Variants in KAZN observed in about 807,000 individuals in gnomAD.
KAZN encodes kazrin.
KAZN carries 40 observed loss-of-function variants against 87.4 expected under a neutral mutation model. That is an observed-to-expected ratio of 0.46 (90% CI 0.36 to 0.60). KAZN has a LOEUF of 0.60. Among genes scored for constraint, KAZN ranks in the 20% least tolerant of loss-of-function variants. The probability of loss-of-function intolerance (pLI) is 0.00; values close to 1 mark genes in which losing one functional copy is unlikely to be tolerated. For missense variants in KAZN, 898 were observed against 1,073.9 expected (o/e 0.84, Z 2.29); for synonymous variants, 466 against 458.3 (o/e 1.02, Z -0.22).
At chr1:14,708,765 G>A (rs1642341929) in intron 1 of KAZN, among the ~76,000 whole-genome samples, 2 of 152,226 alleles carry the variant, frequency 1.3e-5, no homozygotes, top group African/African-American at 4.8e-5. Context: ...TCAGCTGGTA[G>A]CAGCCAGCAA....
intron 4 of KAZN, among the ~76,000 whole-genome samples, chr1:15,054,625 C>G (rs1477484797): frequency 6.7e-6 from 1 of 149,892 alleles, no homozygotes; most frequent in Non-Finnish European, 1.5e-5. Flanking sequence ...GCACTCCGGC[C>G]TGGGCAACAG....
intron 2 of KAZN, among the ~76,000 whole-genome samples, chr1:14,264,865 T>C (rs1336526924): frequency 6.6e-6 from 1 of 152,204 alleles, no homozygotes; most frequent in Non-Finnish European, 1.5e-5. Context: ...TGGGACAGTA[T>C]AGGTAGTCCA....
intron 2 of KAZN, among the ~76,000 whole-genome samples, chr1:14,191,065 C>G (rs1646410914): frequency 6.6e-6 from 1 of 152,082 alleles, no homozygotes; most frequent in Non-Finnish European, 1.5e-5. Flanking sequence ...GCATGTGCCC[C>G]CTGGTTTTAC....
chr1:14,622,356 G>C (rs1301795432), intron 1 of KAZN, among the ~76,000 whole-genome samples: 1 of 152,148 alleles, frequency 6.6e-6, no homozygotes, highest in Non-Finnish European at 1.5e-5. Context: ...ATAATATTAT[G>C]TTTAGTGAAA....
In KAZN at chr1:15,104,203, G is replaced by A; in HGVS notation, c.2048+14G>A. 1 of 1,561,612 alleles carries A rather than the reference G, an allele frequency of 6.4e-7. No homozygotes were observed. The highest frequency in any genetic ancestry group is 1.2e-5 in the South Asian group (1 of 84,324). On this transcript the variant is annotated intron_variant, in intron 13 of 14. Transcript: ENST00000376030. ...CCACCCAGCCAAGTGAGCACGGGCTGGGATCCAGTCATGTGGGCTGCTGGG... is the reference window on the plus strand; with the variant it reads ...CCACCCAGCCAAGTGAGCACGGGCTAGGATCCAGTCATGTGGGCTGCTGGG...
chr1:14,315,201 A>G (rs561127540), intron 2 of KAZN, among the ~76,000 whole-genome samples: 1 of 152,156 alleles, frequency 6.6e-6, no homozygotes, highest in Admixed American at 6.6e-5. Flanking sequence ...TGTCTCCAAA[A>G]CCACAGAAGA....
chr1:14,326,471 G>T (rs920169796), intron 2 of KAZN, among the ~76,000 whole-genome samples: 1 of 152,294 alleles, frequency 6.6e-6, no homozygotes, highest in East Asian at 1.9e-4. Flanking sequence ...CCCCATCCTT[G>T]CCGTTGACTC....
At chr1:14,932,331 G>T (rs969687704) in intron 1 of KAZN, among the ~76,000 whole-genome samples, 6 of 148,252 alleles carry the variant, frequency 4.0e-5, no homozygotes, top group Non-Finnish European at 7.5e-5. Flanking sequence ...CTGGGTGCTT[G>T]TCTGTGCTTC....
intron 2 of KAZN, among the ~76,000 whole-genome samples, chr1:14,352,298 A>G (rs1212360598): frequency 6.6e-6 from 1 of 152,122 alleles, no homozygotes. Flanking sequence ...CATTTGTAAG[A>G]GTAAATATTA....
intron 2 of KAZN, among the ~76,000 whole-genome samples, chr1:14,528,234 A>G (rs982334049): frequency 6.9e-6 from 1 of 144,768 alleles, no homozygotes; most frequent in Non-Finnish European, 1.5e-5. Context: ...GCTACTCAAG[A>G]GGCTGAGGCA....
chr1:14,179,933 G>C (rs1317829610), intron 1 of KAZN, among the ~76,000 whole-genome samples: 1 of 152,154 alleles, frequency 6.6e-6, no homozygotes, highest in Non-Finnish European at 1.5e-5. Flanking sequence ...GCCCACATGT[G>C]GCACTGATTG....
intron 6 of KAZN, chr1:15,063,208 G>C: frequency 4.2e-6 from 1 of 236,816 alleles, no homozygotes; most frequent in Non-Finnish European, 8.2e-6. Context: ...TTCTATAAAA[G>C]TACATTTCTT....
At chr1:14,160,892 C>T (rs554488807) in intron 1 of KAZN, among the ~76,000 whole-genome samples, 18 of 152,050 alleles carry the variant, frequency 1.2e-4, no homozygotes, top group Non-Finnish European at 2.5e-4. Context: ...ACATCTTTAC[C>T]CAGTTCTATC....
intron 2 of KAZN, among the ~76,000 whole-genome samples, chr1:14,414,359 A>C (rs954579760): frequency 1.3e-5 from 2 of 152,094 alleles, no homozygotes; most frequent in African/African-American, 4.8e-5. Context: ...AAAAAAAAAA[A>C]AAAACCTTTT....
At position 14,359,999 on chromosome 1, in the gene KAZN, G is replaced by A. The variant is rs111291693; in HGVS notation, c.249+179407G>A. On this transcript the variant is annotated intron_variant, in intron 2 of 16. Coordinates refer to the KAZN transcript ENST00000636203. ...TGTTGGCCTGTCTTGCTAGGTTGGG[G>A]AAGTTCTCCTGGATAATATTCTGAA... Among the ~76,000 whole-genome samples, 942 of 152,266 alleles carry A rather than the reference G, an allele frequency of 6.2e-3. 10 individuals are homozygous for A. Among genetic ancestry groups the A allele is most frequent in the African/African-American group, 0.022 (900 of 41,560 alleles).
intron 2 of KAZN, among the ~76,000 whole-genome samples, chr1:14,218,011 G>A (rs1229269708): frequency 6.6e-6 from 1 of 152,062 alleles, no homozygotes; most frequent in Non-Finnish European, 1.5e-5. Flanking sequence ...AGCTTTTTCT[G>A]AGGAATTTAG....
chr1:15,048,428 G>A (rs1673828592), intron 4 of KAZN, among the ~76,000 whole-genome samples: 1 of 152,028 alleles, frequency 6.6e-6, no homozygotes, highest in Non-Finnish European at 1.5e-5. Context: ...GTGTATGTGT[G>A]TGTGTGTGTG....
intron 1 of KAZN, among the ~76,000 whole-genome samples, chr1:14,629,555 G>T (rs1679410380): frequency 6.6e-6 from 1 of 152,180 alleles, no homozygotes; most frequent in South Asian, 2.1e-4. Flanking sequence ...CCTCTTCTTT[G>T]CTCCCTCCGG....
chr1:14,797,668 A>G (rs566331295), intron 1 of KAZN, among the ~76,000 whole-genome samples: 3 of 152,316 alleles, frequency 2.0e-5, no homozygotes, highest in African/African-American at 7.2e-5. Context: ...TATAGCTTCA[A>G]GACAGAGTGT....
Sources: allele counts gnomAD v4.1 joint callset (sites outside exome capture counted in the v4.1 genomes callset), GRCh38; gene constraint gnomAD v4.1.1; transcripts MANE v1.5; gene names NCBI Gene and HGNC (gene_info 2026-07-23, HGNC 2026-07-21).